The following CHST13 variants were observed in gnomAD, a reference collection of about 807,000 sequenced individuals.
CHST13 encodes C4ST-3.
In CHST13, 1 loss-of-function variant was observed where a neutral mutation model predicts 7.0. The observed-to-expected ratio is 0.14, with a 90% CI of 0.05 to 0.68. The LOEUF (loss-of-function observed/expected upper bound fraction) is 0.68. Ranked by LOEUF, CHST13 falls within the 30% of genes least tolerant of loss-of-function variation. The probability of loss-of-function intolerance (pLI) is 0.82; values close to 1 mark genes in which losing one functional copy is unlikely to be tolerated. For missense variants in CHST13, 572 were observed against 507.9 expected (o/e 1.13, Z -1.21); for synonymous variants, 257 against 240.9 (o/e 1.07, Z -0.62).
chr3:126,524,491 C>G, intron 1 of CHST13, 62 bp downstream of exon 1: 1 of 554,000 alleles, frequency 1.8e-6, no homozygotes, highest in Non-Finnish European at 2.7e-6. Context: ...CGCTTTCCAC[C>G]GCGGCCTGAC....
At chr3:126,532,552 C>T (rs550055316) in intron 1 of CHST13, among the ~76,000 whole-genome samples, 11 of 152,324 alleles carry the variant, frequency 7.2e-5, no homozygotes, top group South Asian at 2.1e-4. Flanking sequence ...ATTGTCTTGG[C>T]TCCCTCATCA....
At chr3:126,540,052 C>T (rs1336426567) in intron 2 of CHST13, among the ~76,000 whole-genome samples, 4 of 147,152 alleles carry the variant, frequency 2.7e-5, no homozygotes, top group African/African-American at 1.0e-4. Context: ...CACACAGAGA[C>T]ATCATGCACC....
chr3:126,529,501 G>A (rs1028711518), intron 1 of CHST13: 42 of 816,418 alleles, frequency 5.1e-5, no homozygotes, highest in Non-Finnish European at 6.9e-5. Flanking sequence ...GGCACAGCAA[G>A]GAAGCTGTGA....
chr3:126,535,917 G>T (rs1378879123), intron 1 of CHST13, among the ~76,000 whole-genome samples: 2 of 152,250 alleles, frequency 1.3e-5, no homozygotes, highest in Middle Eastern at 6.3e-3. Context: ...CAAGGGTTGG[G>T]GCATGAGGCC....
In CHST13 at chr3:126,542,185, C is replaced by G. The variant is rs372671461; in HGVS notation, c.633C>G (p.Arg211=). The part of the protein sequence containing the change: ...GARIVQRLRP[R]ALPDARARGH... ...GCATCGTTCAGCGCCTGCGGCCGCG[C>G]GCGCTCCCCGACGCCCGGGCCCGCG... Residue 211 remains arginine, a synonymous_variant, in exon 3 of 3, where the codon CGC becomes CGG. Coordinates refer to ENST00000319340, the MANE Select transcript of CHST13 (RefSeq NM_152889.3). 1 of 1,442,998 alleles carries G rather than the reference C, an allele frequency of 6.9e-7. No individual in the cohort carries two copies. The highest frequency in any genetic ancestry group is 1.5e-5 in the African/African-American group (1 of 66,432). The allele number at this position is 1,442,998 out of a possible 1,614,324, so 89.4% of individuals were successfully genotyped here. A position where few individuals can be genotyped will look rare whatever the true frequency, so the allele number is the denominator to read the frequency against.
chr3:126,542,445 C>A lies in CHST13; in HGVS notation c.893C>A (p.Ala298Asp). The change falls in exon 3 of 3, where the codon GCC becomes GAC. Residue 298 changes from alanine to aspartate, a missense_variant. Physicochemically the swap from Ala to Asp is moderately radical, Grantham distance 126. Coordinates refer to ENST00000319340, the MANE Select transcript of CHST13 (RefSeq NM_152889.3). The part of the protein sequence containing the change: ...FPGPPRPRGA[A>D]ASRDLAARLF... ...GGGCCGCCGCGGCCCCGGGGAGCCG[C>A]CGCCTCCCGCGACCTGGCAGCGCGC... 1 of 1,562,258 alleles carries A rather than the reference C, an allele frequency of 6.4e-7. No homozygotes were observed. Among genetic ancestry groups the A allele is most frequent in the Non-Finnish European group, 8.6e-7 (1 of 1,156,476 alleles).
rs1576238950 is a variant in CHST13, at chr3:126,542,350, G to C, written c.798G>C (p.Lys266Asn). 6.4e-7 allele frequency: 1 copy of C among 1,567,212 alleles called. No homozygotes were observed. The highest frequency in any genetic ancestry group is 8.6e-7 in the Non-Finnish European group (1 of 1,158,382). Reference protein sequence around the residue: ...PCRLRYDVVGKFETLAEDAAF... With the variant: ...PCRLRYDVVGNFETLAEDAAF... ...GCCTCCGCTACGACGTCGTGGGCAA[G>C]TTCGAGACGCTGGCGGAGGACGCGG... is the stretch of plus-strand genomic sequence containing the variant. The change falls in exon 3 of 3, where the codon AAG becomes AAC. Residue 266 changes from lysine (K) to asparagine (N), a missense_variant. Lys to Asn is a moderately conservative substitution (Grantham distance 94). Transcript: ENST00000319340.
Position 126,537,944 on chromosome 3 carries a change from C to T in CHST13, c.180+1591C>T, listed in dbSNP as rs111339448. On this transcript the variant is annotated intron_variant, in intron 2 of 2. Transcript: ENST00000319340. ...GACTAGAGCCAGCAAGGAATCCAGGCAGCCACACTGTGGGGGTGAGGACAG... is the reference window on the plus strand; with the variant it reads ...GACTAGAGCCAGCAAGGAATCCAGGTAGCCACACTGTGGGGGTGAGGACAG... Among the ~76,000 whole-genome samples, 1,331 of 152,300 alleles carry T rather than the reference C, an allele frequency of 8.7e-3. 13 individuals are homozygous for T. Among genetic ancestry groups the T allele is most frequent in the Middle Eastern group, 0.027 (8 of 294 alleles).
chr3:126,541,990 T>G lies in CHST13; in HGVS notation c.438T>G (p.Pro146=). The G allele has an allele frequency of 1.9e-6, 3 of 1,564,264 alleles. No homozygotes were observed. Among genetic ancestry groups the G allele is most frequent in the Non-Finnish European group, 2.6e-6 (3 of 1,159,738 alleles). ...TCTCCGCGCAAGAGGCGCACGCGCC[T>G]GGCCGCCTGCCCTCACTGGCCGACT... ...RAISAQEAHA[P]GRLPSLADFS... is the part of the protein sequence containing the mutation. Residue 146 remains proline, a synonymous_variant, in exon 3 of 3, where the codon CCT becomes CCG. Coordinates refer to ENST00000319340, the MANE Select transcript of CHST13 (RefSeq NM_152889.3).
At chr3:126,537,913 T>C (rs1281695530) in intron 2 of CHST13, among the ~76,000 whole-genome samples, 1 of 152,160 alleles carries the variant, frequency 6.6e-6, no homozygotes, top group Non-Finnish European at 1.5e-5. Flanking sequence ...TCACAGAGCT[T>C]CTATGGACTA....
At chr3:126,528,323 A>C (rs1171788164) in intron 1 of CHST13, among the ~76,000 whole-genome samples, 1 of 152,128 alleles carries the variant, frequency 6.6e-6, no homozygotes, top group African/African-American at 2.4e-5. Flanking sequence ...TGCAGGGGTT[A>C]CAGAAAAGCA....
chr3:126,530,297 C>T (rs1241854285), intron 1 of CHST13, among the ~76,000 whole-genome samples: 1 of 152,248 alleles, frequency 6.6e-6, no homozygotes, highest in Non-Finnish European at 1.5e-5. Flanking sequence ...TACCCACTGG[C>T]CCCTGGGGGC....
At chr3:126,532,308 T>G (rs1359592779) in intron 1 of CHST13, among the ~76,000 whole-genome samples, 2 of 152,260 alleles carry the variant, frequency 1.3e-5, no homozygotes, top group Non-Finnish European at 2.9e-5. Context: ...TTTGTTGTTT[T>G]GTGCTTTTGG....
rs1433634660 is a variant in CHST13 at position 126,541,764 on chromosome 3, G to C, written c.212G>C (p.Arg71Pro). 1.3e-6 allele frequency: 2 copies of C among 1,512,396 alleles called. No homozygotes were observed. The highest frequency in any genetic ancestry group is 1.8e-6 in the Non-Finnish European group (2 of 1,131,850). The allele number at this position is 1,512,396 out of a possible 1,614,324, so 93.7% of individuals were successfully genotyped here. A position where few individuals can be genotyped will look rare whatever the true frequency, so the allele number is the denominator to read the frequency against. ...DPRSTLAKVH[R>P]QRRDLLNSAC... is the part of the protein sequence containing the mutation. ...CGCTCGACCCTGGCGAAGGTGCACC[G>C]GCAGCGGCGCGACCTGCTGAACAGC... The change falls in exon 3 of 3, where the codon CGG becomes CCG. Residue 71 changes from arginine (R) to proline (P), a missense_variant. By Grantham distance (103) the Arg-to-Pro change is moderately radical. Coordinates refer to ENST00000319340, the MANE Select transcript of CHST13 (RefSeq NM_152889.3).
At chr3:126,531,092 C>G (rs551935784) in intron 1 of CHST13, among the ~76,000 whole-genome samples, 3 of 152,386 alleles carry the variant, frequency 2.0e-5, no homozygotes, top group African/African-American at 7.2e-5. Context: ...CAGCACAGAC[C>G]ATATTCTGCC....
Position 126,532,654 on chromosome 3 carries a change from G to A in CHST13, c.98-3617G>A, listed in dbSNP as rs984753859. ...TGTCTCTCCTAGCCAGCACCACACA[G>A]TCTTGATTATTGTGGCTGTATAGTA... is the stretch of plus-strand genomic sequence containing the variant. On this transcript the variant is annotated intron_variant, in intron 1 of 2. Coordinates refer to ENST00000319340, the MANE Select transcript of CHST13 (RefSeq NM_152889.3). Among the ~76,000 whole-genome samples the A allele has an allele frequency of 3.9e-5, 6 of 152,184 alleles. No individual in the cohort carries two copies. In the South Asian group the frequency reaches 8.3e-4, roughly 21 times the overall value.
intron 1 of CHST13, among the ~76,000 whole-genome samples, chr3:126,535,687 C>T (rs759983473): frequency 3.3e-5 from 5 of 152,300 alleles, no homozygotes; most frequent in Non-Finnish European, 7.3e-5. Context: ...CATCCCTCTT[C>T]TCATCTGGAG....
intron 1 of CHST13, among the ~76,000 whole-genome samples, chr3:126,534,406 C>T (rs770083198): frequency 6.6e-6 from 1 of 152,158 alleles, no homozygotes; most frequent in Non-Finnish European, 1.5e-5. Flanking sequence ...GACAGACAGA[C>T]AGACAGCATC....
intron 1 of CHST13, among the ~76,000 whole-genome samples, chr3:126,526,460 G>A (rs188081308): frequency 6.6e-6 from 1 of 152,308 alleles, no homozygotes; most frequent in African/African-American, 2.4e-5. Flanking sequence ...AGGGATTTCA[G>A]CCCCTTCTCC....
Sources: gnomAD v4.1 joint callset for allele counts (sites outside exome capture counted in the v4.1 genomes callset) on GRCh38, gnomAD v4.1.1 for gene constraint, MANE v1.5 for transcripts, NCBI Gene and HGNC (gene_info 2026-07-23, HGNC 2026-07-21) for gene names.